Variants in LOC122539214 observed in about 807,000 individuals in gnomAD.
At chr19:52,662,560 G>A in the LOC122539214 span, among the ~76,000 whole-genome samples, 12 of 152,140 alleles carry the variant, frequency 7.9e-5, no homozygotes, top group Non-Finnish European at 1.3e-4. Flanking sequence ...TCTGGTACTT[G>A]TGTTTTTTAT....
At chr19:52,667,209 A>G in the LOC122539214 span, among the ~76,000 whole-genome samples, 1 of 148,732 alleles carries the variant, frequency 6.7e-6, no homozygotes, top group Non-Finnish European at 1.5e-5. Context: ...TTGGGAAAGA[A>G]TGGTTATCAT....
At chr19:52,660,031 A>G in the LOC122539214 span, among the ~76,000 whole-genome samples, 10 of 152,200 alleles carry the variant, frequency 6.6e-5, no homozygotes, top group Middle Eastern at 0.014. Context: ...CTCTACTAAA[A>G]ATACAAAAAA....
At chr19:52,685,191 C>CA in the LOC122539214 span, among the ~76,000 whole-genome samples, 3 of 152,118 alleles carry the variant, frequency 2.0e-5, no homozygotes, top group Non-Finnish European at 4.4e-5. Context: ...TTTCAGGGGC[C>CA]AGGGTCACTC....
At chr19:52,690,311 CA>C in the LOC122539214 span, 1 of 152,890 alleles carries the variant, frequency 6.5e-6, no homozygotes, top group Non-Finnish European at 1.5e-5. Flanking sequence ...TCCAGACTCT[CA>C]CGGGGATGTC....
the LOC122539214 span, among the ~76,000 whole-genome samples, chr19:52,679,396 TG>T: frequency 6.6e-6 from 1 of 152,078 alleles, no homozygotes; most frequent in Non-Finnish European, 1.5e-5. Flanking sequence ...GGGTCACCTG[TG>T]GTCAGGAGTT....
the LOC122539214 span, among the ~76,000 whole-genome samples, chr19:52,683,262 GTGTGTGTGTGTGTGT>G: frequency 2.3e-5 from 2 of 86,326 alleles, no homozygotes; most frequent in African/African-American, 8.1e-5. Flanking sequence ...GTGTGTGTGT[GTGTGTGTGTGTGTGT>G]GTGTATGCTC....
chr19:52,672,226 T>G, the LOC122539214 span, among the ~76,000 whole-genome samples: 349 of 152,226 alleles, frequency 2.3e-3, no homozygotes, highest in Non-Finnish European at 3.6e-3. Flanking sequence ...AGAGTGAGAT[T>G]CTGTCTCAAA....
At chr19:52,678,008 C>T in the LOC122539214 span, among the ~76,000 whole-genome samples, 1 of 150,038 alleles carries the variant, frequency 6.7e-6, no homozygotes, top group Non-Finnish European at 1.5e-5. Context: ...GCACTACAAC[C>T]TGGGTGACAG....
the LOC122539214 span, among the ~76,000 whole-genome samples, chr19:52,676,246 G>T: frequency 6.6e-6 from 1 of 152,210 alleles, no homozygotes; most frequent in South Asian, 2.1e-4. Context: ...GCCTCCCGAG[G>T]TGCCGGGATT....
At chr19:52,677,960 G>C in the LOC122539214 span, among the ~76,000 whole-genome samples, 4 of 151,830 alleles carry the variant, frequency 2.6e-5, no homozygotes, top group African/African-American at 9.7e-5. Context: ...GCTTGAACCT[G>C]GGAGTCGGAG....
the LOC122539214 span, among the ~76,000 whole-genome samples, chr19:52,672,376 T>C: frequency 6.6e-6 from 1 of 152,232 alleles, no homozygotes; most frequent in Non-Finnish European, 1.5e-5. Flanking sequence ...AATTCATCTA[T>C]CAAACACTAG....
At chr19:52,668,385 A>G in the LOC122539214 span, among the ~76,000 whole-genome samples, 1 of 152,148 alleles carries the variant, frequency 6.6e-6, no homozygotes, top group Non-Finnish European at 1.5e-5. Context: ...AGCTTAGTCT[A>G]TCTATCTTTT....
the LOC122539214 span, among the ~76,000 whole-genome samples, chr19:52,689,824 G>A: frequency 1.3e-5 from 2 of 152,148 alleles, no homozygotes; most frequent in African/African-American, 4.8e-5. Flanking sequence ...CATCCCGGAG[G>A]AGCTTATTTT....
the LOC122539214 span, among the ~76,000 whole-genome samples, chr19:52,690,071 C>T: frequency 1.3e-5 from 2 of 151,842 alleles, no homozygotes; most frequent in South Asian, 4.2e-4. Context: ...CGCGGCGCTG[C>T]GCTTCAGAGG....
chr19:52,689,048 G>C, the LOC122539214 span, among the ~76,000 whole-genome samples: 3 of 151,580 alleles, frequency 2.0e-5, no homozygotes, highest in Non-Finnish European at 2.9e-5. Flanking sequence ...TCTGTATTTA[G>C]TCAGTTCTTG....
the LOC122539214 span, among the ~76,000 whole-genome samples, chr19:52,659,158 G>A: frequency 2.0e-5 from 3 of 151,806 alleles, no homozygotes; most frequent in African/African-American, 7.3e-5. Flanking sequence ...GGAAAGTCAG[G>A]GATCTGCAGA....
the LOC122539214 span, among the ~76,000 whole-genome samples, chr19:52,683,791 C>T: frequency 6.6e-6 from 1 of 152,146 alleles, no homozygotes; most frequent in Non-Finnish European, 1.5e-5. Context: ...GGAACATCCT[C>T]ACATTTGCCC....
the LOC122539214 span, among the ~76,000 whole-genome samples, chr19:52,689,380 C>T: frequency 2.0e-5 from 3 of 150,826 alleles, no homozygotes; most frequent in Non-Finnish European, 3.0e-5. Flanking sequence ...TCTCTCTTCC[C>T]TGTTATACCC....
the LOC122539214 span, among the ~76,000 whole-genome samples, chr19:52,661,468 T>G: frequency 2.0e-5 from 3 of 152,112 alleles, no homozygotes; most frequent in African/African-American, 7.2e-5. Flanking sequence ...CTGACCTCAG[T>G]TCTCAATATG....
Sources: gnomAD v4.1 joint callset for allele counts (sites outside exome capture counted in the v4.1 genomes callset) on GRCh38, gnomAD v4.1.1 for gene constraint, MANE v1.5 for transcripts.